NRXN3: variants seen among roughly 807,000 people sequenced by gnomAD.
NRXN3 encodes neurexin 3.
In NRXN3, 32 loss-of-function variants were observed where a neutral mutation model predicts 137.6. The observed-to-expected ratio is 0.23, with a 90% CI of 0.18 to 0.31. NRXN3 has a LOEUF of 0.31. Ranked by LOEUF, NRXN3 falls within the 10% of genes least tolerant of loss-of-function variation. The pLI is 1.00. For missense variants in NRXN3, 1,574 were observed against 2,062.5 expected (o/e 0.76, Z 4.59); for synonymous variants, 798 against 784.5 (o/e 1.02, Z -0.29).
At chr14:79,151,942 T>C (rs973477333) in intron 15 of NRXN3, among the ~76,000 whole-genome samples, 4 of 152,088 alleles carry the variant, frequency 2.6e-5, no homozygotes, top group Admixed American at 1.3e-4. Context: ...GATATTAAAA[T>C]TGGCAAGTAA....
chr14:79,435,716 T>C (rs1033286327), intron 15 of NRXN3, among the ~76,000 whole-genome samples: 18 of 151,768 alleles, frequency 1.2e-4, no homozygotes, highest in African/African-American at 4.4e-4. Context: ...CTCACTGCAG[T>C]CCCAATCTCC....
At chr14:79,102,331 T>A (rs1439440919) in intron 15 of NRXN3, among the ~76,000 whole-genome samples, 3 of 152,124 alleles carry the variant, frequency 2.0e-5, no homozygotes, top group Middle Eastern at 3.2e-3. Context: ...AAAATGCTAC[T>A]TCAATTTTAT....
intron 19 of NRXN3, among the ~76,000 whole-genome samples, chr14:79,720,138 C>T (rs1277527251): frequency 6.6e-6 from 1 of 151,988 alleles, no homozygotes; most frequent in African/African-American, 2.4e-5. Context: ...CTAGGGAGGC[C>T]TCACAATCAT....
At chr14:79,038,221 A>AT (rs573169759) in intron 15 of NRXN3, among the ~76,000 whole-genome samples, 3 of 151,928 alleles carry the variant, frequency 2.0e-5, no homozygotes, top group Non-Finnish European at 4.4e-5. Context: ...TGAGAACGTT[A>AT]TTTTTTCTCC....
At chr14:79,854,758 T>C (rs2099399029) in intron 20 of NRXN3, among the ~76,000 whole-genome samples, 1 of 152,160 alleles carries the variant, frequency 6.6e-6, no homozygotes, top group East Asian at 1.9e-4. Flanking sequence ...TAAAATTCCT[T>C]AAAAAGCATT....
At chr14:79,048,056 A>G (rs1434234874) in intron 15 of NRXN3, among the ~76,000 whole-genome samples, 1 of 151,820 alleles carries the variant, frequency 6.6e-6, no homozygotes, top group African/African-American at 2.4e-5. Flanking sequence ...AACACAGTAT[A>G]TTCCTATGAT....
At chr14:78,431,763 C>A (rs1329335630) in intron 4 of NRXN3, among the ~76,000 whole-genome samples, 1 of 152,084 alleles carries the variant, frequency 6.6e-6, no homozygotes, top group Non-Finnish European at 1.5e-5. Context: ...ATAATAATAG[C>A]AATATTTGAA....
At chr14:79,381,042 G>A (rs987229614) in intron 15 of NRXN3, among the ~76,000 whole-genome samples, 1 of 151,962 alleles carries the variant, frequency 6.6e-6, no homozygotes, top group Non-Finnish European at 1.5e-5. Flanking sequence ...GTGCCTGGAT[G>A]GTGCTGCTAC....
chr14:79,030,643 T>C, intron 15 of NRXN3, among the ~76,000 whole-genome samples: 1 of 148,008 alleles, frequency 6.8e-6, no homozygotes, highest in African/African-American at 2.5e-5. Context: ...GTCTTTTTTT[T>C]TTTTTTTTTT....
chr14:79,756,294 C>T (rs187570764), intron 19 of NRXN3, among the ~76,000 whole-genome samples: 1 of 152,284 alleles, frequency 6.6e-6, no homozygotes, highest in African/African-American at 2.4e-5. Flanking sequence ...TTCTTCCTCT[C>T]CCACTCTGGG....
intron 15 of NRXN3, among the ~76,000 whole-genome samples, chr14:79,059,133 A>G (rs1486438696): frequency 2.6e-5 from 4 of 151,202 alleles, no homozygotes; most frequent in Non-Finnish European, 5.9e-5. Flanking sequence ...TGTTCCTCTC[A>G]CTTGTTCCTC....
chr14:79,634,317 G>C (rs895295755), intron 16 of NRXN3, among the ~76,000 whole-genome samples: 21 of 152,316 alleles, frequency 1.4e-4, no homozygotes, highest in African/African-American at 4.6e-4. Context: ...GAGGGAGAGA[G>C]AGAGAGAGAG....
chr14:79,503,634 A>G (rs781109335), intron 16 of NRXN3, among the ~76,000 whole-genome samples: 1 of 152,124 alleles, frequency 6.6e-6, no homozygotes, highest in Non-Finnish European at 1.5e-5. Context: ...CTGTTCCCCT[A>G]TGGTACTTTA....
intron 20 of NRXN3, among the ~76,000 whole-genome samples, chr14:79,855,495 G>T (rs2099400599): frequency 6.6e-6 from 1 of 152,056 alleles, no homozygotes; most frequent in Non-Finnish European, 1.5e-5. Flanking sequence ...ATGGGATGTT[G>T]TTTTATCTTG....
At chr14:79,704,995 G>A (rs1252943119) in intron 19 of NRXN3, among the ~76,000 whole-genome samples, 1 of 152,156 alleles carries the variant, frequency 6.6e-6, no homozygotes, top group African/African-American at 2.4e-5. Flanking sequence ...GGATGGAACA[G>A]GTGCTTTCCA....
At chr14:78,229,034 A>G (rs111699850) in intron 1 of NRXN3, among the ~76,000 whole-genome samples, 16 of 152,238 alleles carry the variant, frequency 1.1e-4, no homozygotes, top group African/African-American at 3.6e-4. Flanking sequence ...ATTTGTGCAA[A>G]TGACAGCTCC....
Position 79,577,752 on chromosome 14 carries a change from A to C in NRXN3, c.3445-86026A>C, listed in dbSNP as rs79814149. Reference sequence around the variant, plus strand: ...GCTCCATACATGTGTATTGAGTAATAAATTAATGAATAAATATGATGCTGG... The same window carrying C: ...GCTCCATACATGTGTATTGAGTAATCAATTAATGAATAAATATGATGCTGG... On this transcript the variant is annotated intron_variant, in intron 16 of 20. Transcript: ENST00000335750. 0.022 allele frequency among the ~76,000 whole-genome samples: 3,320 copies of C among 152,320 alleles called. 205 individuals carry two copies. The East Asian group carries it at 0.25, about 11-fold the overall frequency.
intron 4 of NRXN3, among the ~76,000 whole-genome samples, chr14:78,407,301 A>G (rs1166286533): frequency 1.3e-5 from 2 of 152,258 alleles, no homozygotes; most frequent in South Asian, 4.1e-4. Context: ...TGGGATCTAC[A>G]TGTACTGATT....
intron 15 of NRXN3, among the ~76,000 whole-genome samples, chr14:79,240,467 C>T (rs2074098010): frequency 6.6e-6 from 1 of 152,094 alleles, no homozygotes; most frequent in Admixed American, 6.6e-5. Context: ...TTATTCATCT[C>T]CCAGGTACTC....
Sources: allele counts gnomAD v4.1 joint callset (sites outside exome capture counted in the v4.1 genomes callset), GRCh38; gene constraint gnomAD v4.1.1; transcripts MANE v1.5; gene names NCBI Gene and HGNC (gene_info 2026-07-23, HGNC 2026-07-21).